Variants in EYA2 observed in about 807,000 individuals in gnomAD.
EYA2 encodes protein phosphatase EYA2.
In EYA2, 31 loss-of-function variants were observed where a neutral mutation model predicts 69.2. The observed-to-expected ratio is 0.45, with a 90% CI of 0.34 to 0.60. The LOEUF (loss-of-function observed/expected upper bound fraction) is 0.60. Among genes scored for constraint, EYA2 ranks in the 20% least tolerant of loss-of-function variants. The probability of loss-of-function intolerance (pLI) is 0.02; values close to 1 mark genes in which losing one functional copy is unlikely to be tolerated. For synonymous variants in EYA2, 257 were observed against 279.4 expected (o/e 0.92, Z 0.80); for missense variants, 622 against 701.2 (o/e 0.89, Z 1.28).
intron 1 of EYA2, among the ~76,000 whole-genome samples, chr20:46,947,981 G>A (rs1465885836): frequency 6.6e-6 from 1 of 151,978 alleles, no homozygotes; most frequent in Admixed American, 6.6e-5. Flanking sequence ...GCCTTGCATG[G>A]TGGTGCATGC....
chr20:47,021,574 C>G (rs1023865249), intron 5 of EYA2, among the ~76,000 whole-genome samples: 2 of 149,338 alleles, frequency 1.3e-5, no homozygotes, highest in Non-Finnish European at 3.0e-5. Flanking sequence ...TTGCAGTGAG[C>G]CGAGATCACG....
chr20:47,017,640 C>G (rs1983491220), intron 5 of EYA2, among the ~76,000 whole-genome samples: 1 of 147,576 alleles, frequency 6.8e-6, no homozygotes, highest in Non-Finnish European at 1.5e-5. Flanking sequence ...AGAATAGCTT[C>G]CTGGTAAGGT....
rs1482332129 is a variant in EYA2 at position 47,021,815 on chromosome 20, T to A, written c.415+5518T>A. Among the ~76,000 whole-genome samples the A allele has an allele frequency of 2.0e-5, 3 of 152,034 alleles. No individual in the cohort carries two copies. The East Asian group carries it at 5.8e-4, about 29-fold the overall frequency. ...ATTAAAAGTTCAGTAAAAGCACTTG[T>A]TACTCAGTGATCTCAGCTCGAGACC... is the stretch of plus-strand genomic sequence containing the variant. On this transcript the variant is annotated intron_variant, in intron 5 of 15. Transcript: ENST00000327619.
chr20:47,117,750 T>C, intron 9 of EYA2: 1 of 936,974 alleles, frequency 1.1e-6, no homozygotes, highest in Non-Finnish European at 1.3e-6. Context: ...CGAGGACTAT[T>C]AGTTAATTCA....
chr20:46,987,413 C>T (rs1202976640), intron 1 of EYA2, among the ~76,000 whole-genome samples: 2 of 152,188 alleles, frequency 1.3e-5, no homozygotes, highest in Non-Finnish European at 2.9e-5. Flanking sequence ...GCTTACGGGC[C>T]ATAGGTAGTG....
intron 1 of EYA2, among the ~76,000 whole-genome samples, chr20:46,907,497 G>A (rs889345076): frequency 2.0e-5 from 3 of 152,218 alleles, no homozygotes; most frequent in African/African-American, 7.2e-5. Flanking sequence ...TTCAAGACGA[G>A]TGAGGGATCT....
rs7263447 is a variant in EYA2, at chr20:47,114,761, G to T, written c.888+17593G>T. Among the ~76,000 whole-genome samples the T allele has an allele frequency of 4.5e-3, 681 of 152,282 alleles. 6 individuals are homozygous for T. Among genetic ancestry groups the T allele is most frequent in the African/African-American group, 0.015 (635 of 41,572 alleles). ...TGGGAGGTGTTGGGATCATGGGTGC[G>T]GATCCCTCATGGCTTGTGAGGATCC... On this transcript the variant is annotated intron_variant, in intron 9 of 15. Coordinates refer to ENST00000327619, the MANE Select transcript of EYA2 (RefSeq NM_005244.5).
At chr20:46,947,032 A>G (rs1190527678) in intron 1 of EYA2, among the ~76,000 whole-genome samples, 7 of 152,210 alleles carry the variant, frequency 4.6e-5, no homozygotes, top group Non-Finnish European at 8.8e-5. Flanking sequence ...CTTTCCCACT[A>G]CAACAGCAGA....
intron 9 of EYA2, among the ~76,000 whole-genome samples, chr20:47,140,926 G>A (rs1177153942): frequency 1.3e-5 from 2 of 152,088 alleles, no homozygotes; most frequent in African/African-American, 2.4e-5. Flanking sequence ...TGGGGAGAGA[G>A]GAAGTCAACT....
intron 5 of EYA2, among the ~76,000 whole-genome samples, chr20:47,053,797 G>A (rs2030462958): frequency 6.6e-6 from 1 of 151,742 alleles, no homozygotes; most frequent in African/African-American, 2.4e-5. Flanking sequence ...AAGGGTGGGG[G>A]TGATATTGCC....
chr20:47,167,379 T>G (rs1015340093), intron 10 of EYA2, among the ~76,000 whole-genome samples: 4 of 142,224 alleles, frequency 2.8e-5, no homozygotes, highest in African/African-American at 1.1e-4. Context: ...GCCTCCCAGG[T>G]TCAAGCTATT....
chr20:46,897,427 A>G (rs981345487), intron 1 of EYA2, among the ~76,000 whole-genome samples: 5 of 152,208 alleles, frequency 3.3e-5, no homozygotes, highest in Admixed American at 3.3e-4. Context: ...TCCCACAAAG[A>G]AGAAACCGTT....
intron 7 of EYA2, among the ~76,000 whole-genome samples, chr20:47,081,318 G>A (rs1229661852): frequency 3.3e-5 from 5 of 151,810 alleles, no homozygotes; most frequent in Admixed American, 1.3e-4. Context: ...TAGATTTTAA[G>A]TGTTTTTAGT....
intron 5 of EYA2, among the ~76,000 whole-genome samples, chr20:47,054,553 C>G (rs1017146384): frequency 6.6e-6 from 1 of 152,186 alleles, no homozygotes; most frequent in African/African-American, 2.4e-5. Flanking sequence ...AGCCTCCTCC[C>G]CTCTCAGATC....
intron 1 of EYA2, among the ~76,000 whole-genome samples, chr20:46,912,951 C>T (rs1372386665): frequency 3.3e-5 from 5 of 151,968 alleles, no homozygotes; most frequent in African/African-American, 9.7e-5. Context: ...CCACCCGCCT[C>T]GGCCTCCCAA....
intron 15 of EYA2, among the ~76,000 whole-genome samples, chr20:47,184,457 A>G (rs1600781677): frequency 7.4e-6 from 1 of 134,426 alleles, no homozygotes; most frequent in Non-Finnish European, 1.5e-5. Flanking sequence ...TCACTCTGGC[A>G]CCTAGGCTGG....
chr20:46,895,107 C>T (rs1268825526), intron 1 of EYA2, 120 bp downstream of exon 1: 1 of 152,300 alleles, frequency 6.6e-6, no homozygotes, highest in African/African-American at 2.4e-5. Flanking sequence ...AGCGGGGCCT[C>T]CGCAGCTGTC....
At chr20:47,002,881 A>G (rs1475719178) in intron 3 of EYA2, among the ~76,000 whole-genome samples, 1 of 152,224 alleles carries the variant, frequency 6.6e-6, no homozygotes, top group Non-Finnish European at 1.5e-5. Context: ...AGGTTCCCCC[A>G]AATAACCCTT....
chr20:47,077,288 A>G (rs1042770579), intron 7 of EYA2, among the ~76,000 whole-genome samples: 3 of 152,174 alleles, frequency 2.0e-5, no homozygotes, highest in African/African-American at 7.2e-5. Flanking sequence ...TATGCAACTA[A>G]TGCACCAGCC....
Sources: gnomAD v4.1 joint callset for allele counts (sites outside exome capture counted in the v4.1 genomes callset) on GRCh38, gnomAD v4.1.1 for gene constraint, MANE v1.5 for transcripts, NCBI Gene and HGNC (gene_info 2026-07-23, HGNC 2026-07-21) for gene names.